Variants in STUM observed in about 807,000 individuals in gnomAD.
STUM encodes stum, mechanosensory transduction mediator homolog, also known as protein stum homolog.
Under a neutral mutation model 15.3 loss-of-function variants are expected in STUM, and 8 were observed. The observed-to-expected ratio is 0.52, with a 90% CI of 0.31 to 0.94. The LOEUF (loss-of-function observed/expected upper bound fraction) is 0.94, where lower values mean the gene tolerates loss of function less well. STUM is among the 40% of genes least tolerant of loss of function. The probability of loss-of-function intolerance (pLI) is 0.05; values close to 1 mark genes in which losing one functional copy is unlikely to be tolerated. For synonymous variants in STUM, 78 were observed against 88.7 expected, an observed-to-expected ratio of 0.88 and a Z score of 0.68; for missense variants, 142 against 204.9, an observed-to-expected ratio of 0.69 and a Z score of 1.87.
At chr1:226,559,532 G>A (rs756330045) in intron 1 of STUM, among the ~76,000 whole-genome samples, 8 of 152,118 alleles carry the variant, frequency 5.3e-5, no homozygotes, top group East Asian at 1.9e-4. Flanking sequence ...TGAGGACTGC[G>A]GAGGACAACT....
At position 226,549,470 on chromosome 1, in the gene STUM, G is replaced by A. The variant is rs1273041278; in HGVS notation, c.202+364G>A. Among the ~76,000 whole-genome samples, 1 of 152,198 alleles carries A rather than the reference G, an allele frequency of 6.6e-6. No individual in the cohort carries two copies. Among genetic ancestry groups the A allele is most frequent in the Non-Finnish European group, 1.5e-5 (1 of 68,038 alleles). ...CTCTCCGTCGTGTGCATCCGTCCGC[G>A]AGCCCACTTCCCCGAGAGGAATGGG... On this transcript the variant is annotated intron_variant, in intron 1 of 3. Transcript: ENST00000366788. The surrounding 1 kb of genome is among the most constrained non-coding windows in gnomAD (Gnocchi z 6.8).
At chr1:226,587,501 G>C (rs1668015205) in intron 1 of STUM, among the ~76,000 whole-genome samples, 3 of 152,088 alleles carry the variant, frequency 2.0e-5, no homozygotes, top group South Asian at 2.1e-4. Context: ...TACACCCCTT[G>C]TCTGCCTGAA....
At chr1:226,593,943 G>A (rs1668130380) in intron 1 of STUM, among the ~76,000 whole-genome samples, 1 of 152,198 alleles carries the variant, frequency 6.6e-6, no homozygotes, top group African/African-American at 2.4e-5. Context: ...TGAGGCAGGT[G>A]GTAGGAGGAG....
chr1:226,564,246 G>C (rs1279740588), intron 1 of STUM, among the ~76,000 whole-genome samples: 1 of 152,170 alleles, frequency 6.6e-6, no homozygotes, highest in Non-Finnish European at 1.5e-5. Flanking sequence ...ATCTCTCTGT[G>C]TGAGTTTCCC....
intron 1 of STUM, among the ~76,000 whole-genome samples, chr1:226,590,116 G>A (rs1166033060): frequency 1.3e-5 from 2 of 151,620 alleles, no homozygotes; most frequent in Admixed American, 6.6e-5. Flanking sequence ...TCATTTTACC[G>A]AGAACCTTCA....
rs1004675514 is a variant in STUM at position 226,608,513 on chromosome 1, AGTGTT to A, written c.*6482_*6486del. On this transcript the variant is annotated 3_prime_UTR_variant, in exon 4 of 4. Transcript: ENST00000366788. The surrounding 1 kb of genome is among the most constrained non-coding windows in gnomAD (Gnocchi z 4.0). The stretch of plus-strand genomic sequence containing the variant: ...TATCAACTTAATTTGCATATGAATG[AGTGTT>A]GTGTTGTGATTTGCAGTGTTTTGAC... 2 of 151,814 alleles carry A rather than the reference AGTGTT, an allele frequency of 1.3e-5. No homozygotes were observed. The highest frequency in any genetic ancestry group is 4.8e-5 in the African/African-American group (2 of 41,294). 9.4% of individuals were successfully genotyped at this position (151,814 alleles called of 1,614,324 possible).
intron 1 of STUM, among the ~76,000 whole-genome samples, chr1:226,558,500 G>T (rs372710549): frequency 6.6e-6 from 1 of 152,244 alleles, no homozygotes; most frequent in South Asian, 2.1e-4. Context: ...CACGTGACGT[G>T]CTGGCTTGAA....
intron 2 of STUM, chr1:226,597,406 C>T (rs1441715001): frequency 4.2e-6 from 2 of 473,766 alleles, no homozygotes; most frequent in Admixed American, 2.3e-5. Context: ...CCTGTATTTT[C>T]CCACGCCCAT....
chr1:226,597,470 G>A, intron 2 of STUM: 1 of 472,346 alleles, frequency 2.1e-6, no homozygotes, highest in South Asian at 1.5e-5. Context: ...CAGGCACTTT[G>A]CCTTCACTCT....
At chr1:226,595,823 AAGTAGATTTTCCCCTGG>A (rs1366501209) in intron 1 of STUM, among the ~76,000 whole-genome samples, 2 of 152,136 alleles carry the variant, frequency 1.3e-5, no homozygotes, top group Non-Finnish European at 2.9e-5. Flanking sequence ...AAAGGCAAGG[AAGTAGATTTTCCCCTGG>A]AGCCTCCAGA....
chr1:226,602,090 C>G lies in STUM; in HGVS notation c.*50C>G, dbSNP rs770303141. On this transcript the variant is annotated 3_prime_UTR_variant, in exon 4 of 4. Transcript: ENST00000366788. ...CCAGGGGGGCCCTGTGAGGGCTGCA[C>G]CAGGCAGCTTTGGGCACAAGGACCT... 66 of 1,510,682 alleles carry G rather than the reference C, an allele frequency of 4.4e-5. No individual in the cohort carries two copies. Among genetic ancestry groups the G allele is most frequent in the African/African-American group, 6.8e-5 (5 of 73,106 alleles). 93.6% of individuals were successfully genotyped at this position (1,510,682 alleles called of 1,614,324 possible). A position where few individuals can be genotyped will look rare whatever the true frequency, so the allele number is the denominator to read the frequency against.
At chr1:226,556,061 G>C (rs1330403061) in intron 1 of STUM, among the ~76,000 whole-genome samples, 1 of 152,098 alleles carries the variant, frequency 6.6e-6, no homozygotes, top group East Asian at 1.9e-4. Flanking sequence ...TACACTTATA[G>C]CACATCTCAA....
intron 1 of STUM, among the ~76,000 whole-genome samples, chr1:226,555,722 G>A (rs1258898448): frequency 1.3e-5 from 2 of 152,182 alleles, no homozygotes; most frequent in Admixed American, 6.5e-5. Context: ...TTTTAAACAC[G>A]AGTGAGTCGG....
At chr1:226,597,492 C>A (rs1283553123) in intron 2 of STUM, 1 of 472,204 alleles carries the variant, frequency 2.1e-6, no homozygotes, top group Non-Finnish European at 4.4e-6. Context: ...TACCCCATGC[C>A]CCTCATTGTG....
In STUM at chr1:226,608,274, T is replaced by C. The variant is rs697839; in HGVS notation, c.*6234T>C. 0.48 allele frequency: 72,856 copies of C among 151,880 alleles called. 17,788 individuals are homozygous for C. The highest frequency in any genetic ancestry group is 0.56 in the African/African-American group (23,331 of 41,396). 9.4% of individuals were successfully genotyped at this position (151,880 alleles called of 1,614,324 possible). ...GGGAGAGGGAGGTTCCATTCACCGTTTTCTGGGTTAGCGCTTGATTGGATG... is the reference window on the plus strand; with the variant it reads ...GGGAGAGGGAGGTTCCATTCACCGTCTTCTGGGTTAGCGCTTGATTGGATG... On this transcript the variant is annotated 3_prime_UTR_variant, in exon 4 of 4. Coordinates refer to ENST00000366788, the MANE Select transcript of STUM (RefSeq NM_001003665.4). This position sits in a 1 kb window ranked among gnomAD's most constrained non-coding sequence, Gnocchi z 4.0.
intron 1 of STUM, among the ~76,000 whole-genome samples, chr1:226,568,300 C>T (rs566929061): frequency 3.9e-5 from 6 of 152,152 alleles, no homozygotes; most frequent in Non-Finnish European, 8.8e-5. Flanking sequence ...GTGCTGAGGG[C>T]TGTGAGTCCC....
chr1:226,558,744 T>C (rs1212492831), intron 1 of STUM, among the ~76,000 whole-genome samples: 1 of 152,226 alleles, frequency 6.6e-6, no homozygotes, highest in Non-Finnish European at 1.5e-5. Flanking sequence ...CCTATAGTTA[T>C]TTTACAATAA....
At chr1:226,581,781 C>A (rs1667922638) in intron 1 of STUM, among the ~76,000 whole-genome samples, 1 of 152,088 alleles carries the variant, frequency 6.6e-6, no homozygotes. Context: ...TGGTGAAGGA[C>A]CGCCATCCTC....
rs1667639359 is a variant in STUM at position 226,567,263 on chromosome 1, A to G, written c.202+18157A>G. Among the ~76,000 whole-genome samples, 2 of 152,210 alleles carry G rather than the reference A, an allele frequency of 1.3e-5. No individual in the cohort carries two copies. Among genetic ancestry groups the G allele is most frequent in the African/African-American group, 4.8e-5 (2 of 41,454 alleles). On this transcript the variant is annotated intron_variant, in intron 1 of 3. Transcript: ENST00000366788. The surrounding 1 kb of genome is among the most constrained non-coding windows in gnomAD (Gnocchi z 4.5). Reference sequence around the variant, plus strand: ...TTTGAAGACTGTCCGTCCTGGAGCTATCCAACGGGTGGTGACGGCCCCGCG... The same window carrying G: ...TTTGAAGACTGTCCGTCCTGGAGCTGTCCAACGGGTGGTGACGGCCCCGCG...
Sources: gnomAD v4.1 joint callset for allele counts (sites outside exome capture counted in the v4.1 genomes callset) on GRCh38, gnomAD v4.1.1 for gene constraint, Gnocchi (gnomAD v3.1) non-coding constraint, MANE v1.5 for transcripts, NCBI Gene and HGNC (gene_info 2026-07-23, HGNC 2026-07-21) for gene names.